KREMEN1: variants seen among roughly 807,000 people sequenced by gnomAD.
KREMEN1 encodes the protein kringle containing transmembrane protein 1.
In KREMEN1, 30 loss-of-function variants were observed where a neutral mutation model predicts 46.5. The observed-to-expected ratio is 0.65, with a 90% confidence interval of 0.48 to 0.88. The LOEUF (loss-of-function observed/expected upper bound fraction) is 0.88, where lower values mean the gene tolerates loss of function less well. Ranked by LOEUF, KREMEN1 falls within the 40% of genes least tolerant of loss-of-function variation. KREMEN1 has a pLI of 0.00. For synonymous variants in KREMEN1, 214 were observed against 230.6 expected (o/e 0.93, Z 0.65); for missense variants, 533 against 596.9 (o/e 0.89, Z 1.11).
intron 9 of KREMEN1, among the ~76,000 whole-genome samples, chr22:29,152,445 C>T (rs2038922145): frequency 6.6e-6 from 1 of 152,260 alleles, no homozygotes; most frequent in South Asian, 2.1e-4. Context: ...CCCAGCCAAA[C>T]AGGCTAAAAT....
intron 1 of KREMEN1, among the ~76,000 whole-genome samples, chr22:29,081,288 C>T (rs2145738363): frequency 6.6e-6 from 1 of 152,204 alleles, no homozygotes; most frequent in South Asian, 2.1e-4. Context: ...AACCTTAATT[C>T]AGTAAGGGGG....
chr22:29,141,078 C>T (rs117904276), intron 8 of KREMEN1, among the ~76,000 whole-genome samples: 13 of 152,270 alleles, frequency 8.5e-5, no homozygotes, highest in East Asian at 3.9e-4. Flanking sequence ...TTTTCCTGAC[C>T]GTCTCACTTG....
intron 3 of KREMEN1, among the ~76,000 whole-genome samples, chr22:29,099,910 G>A (rs967485213): frequency 3.9e-5 from 6 of 152,088 alleles, no homozygotes; most frequent in African/African-American, 7.2e-5. Context: ...ACCCTCAGGA[G>A]TGTATGGTAT....
At chr22:29,165,154 C>T (rs531669767) in intron 9 of KREMEN1, among the ~76,000 whole-genome samples, 9 of 151,742 alleles carry the variant, frequency 5.9e-5, no homozygotes, top group Non-Finnish European at 1.2e-4. Flanking sequence ...GCCTGGGCAA[C>T]GGAGCGAGAC....
At chr22:29,106,327 T>G (rs568354972) in intron 3 of KREMEN1, among the ~76,000 whole-genome samples, 1 of 152,012 alleles carries the variant, frequency 6.6e-6, no homozygotes, top group East Asian at 1.9e-4. Context: ...TTCACGCCAT[T>G]CTCCTGCCTC....
intron 3 of KREMEN1, among the ~76,000 whole-genome samples, chr22:29,120,465 G>T (rs1287633993): frequency 8.7e-5 from 11 of 126,242 alleles, no homozygotes; most frequent in African/African-American, 3.4e-4. Context: ...GGAGGGAGAC[G>T]TGATGATGGA....
chr22:29,131,541 T>TAC, intron 5 of KREMEN1, among the ~76,000 whole-genome samples: 1 of 40,854 alleles, frequency 2.4e-5, no homozygotes, highest in East Asian at 7.2e-4. Flanking sequence ...TATATATATA[T>TAC]ATATATATAT....
rs2038530294 is a variant in KREMEN1, at chr22:29,131,404, A to G, written c.632-5938A>G. Among the ~76,000 whole-genome samples the G allele has an allele frequency of 3.3e-5, 5 of 151,160 alleles. No individual in the cohort carries two copies. In the South Asian group the frequency reaches 1.0e-3, roughly 31 times the overall value. Reference sequence around the variant, plus strand: ...TACTTCAGTGGGATTTGACAAATATATAAGCAATCGAGATTAGGACTTTTT... The same window carrying G: ...TACTTCAGTGGGATTTGACAAATATGTAAGCAATCGAGATTAGGACTTTTT... On this transcript the variant is annotated intron_variant, in intron 5 of 8. Coordinates refer to ENST00000400335, the MANE Select transcript of KREMEN1 (RefSeq NM_001039570.3).
intron 8 of KREMEN1, among the ~76,000 whole-genome samples, chr22:29,140,657 C>T (rs186862604): frequency 6.6e-6 from 1 of 152,310 alleles, no homozygotes; most frequent in African/African-American, 2.4e-5. Flanking sequence ...TAGTCCCTTA[C>T]GGAGATCTTT....
intron 7 of KREMEN1, 115 bp from the exon 8 acceptor site, chr22:29,140,167 C>A: frequency 1.3e-6 from 1 of 782,408 alleles, no homozygotes; most frequent in Non-Finnish European, 2.2e-6. Flanking sequence ...TGCCCTCCCA[C>A]ACCGGCCTGC....
chr22:29,098,548 T>A (rs1306875162), intron 2 of KREMEN1, among the ~76,000 whole-genome samples: 1 of 152,186 alleles, frequency 6.6e-6, no homozygotes, highest in East Asian at 1.9e-4. Flanking sequence ...CATGCTCACA[T>A]TCAAGGTGCC....
At chr22:29,114,399 T>A (rs555567004) in intron 3 of KREMEN1, among the ~76,000 whole-genome samples, 1 of 146,088 alleles carries the variant, frequency 6.8e-6, no homozygotes, top group South Asian at 2.1e-4. Context: ...GGCAGGAGAA[T>A]CACTTGAACC....
At chr22:29,111,430 G>T (rs1055734164) in intron 3 of KREMEN1, among the ~76,000 whole-genome samples, 6 of 151,836 alleles carry the variant, frequency 4.0e-5, no homozygotes, top group African/African-American at 1.5e-4. Context: ...GGCTAACACA[G>T]TGAAACCCCG....
chr22:29,127,606 T>G (rs1023099067), intron 5 of KREMEN1, among the ~76,000 whole-genome samples: 1 of 151,874 alleles, frequency 6.6e-6, no homozygotes, highest in Non-Finnish European at 1.5e-5. Flanking sequence ...GAGGTTGCAG[T>G]GAGCTGAGAT....
chr22:29,141,913 C>A, intron 8 of KREMEN1, 31 bp from the exon 9 acceptor site: 2 of 1,526,478 alleles, frequency 1.3e-6, no homozygotes, highest in Non-Finnish European at 1.8e-6. Context: ...TTGTTCTAAT[C>A]TATTGGAAAA....
At chr22:29,160,638 C>T (rs1046154912) in intron 9 of KREMEN1, among the ~76,000 whole-genome samples, 1 of 149,158 alleles carries the variant, frequency 6.7e-6, no homozygotes, top group African/African-American at 2.5e-5. Context: ...TGGGGGTAAA[C>T]AACAAAATAA....
Position 29,156,325 on chromosome 22 carries a change from G to T in KREMEN1, c.1417-10719G>T, listed in dbSNP as rs192279267. Among the ~76,000 whole-genome samples, 27 of 152,316 alleles carry T rather than the reference G, an allele frequency of 1.8e-4. No individual in the cohort carries two copies. The East Asian group carries it at 4.1e-3, about 23-fold the overall frequency. On this transcript the variant is annotated intron_variant, in intron 9 of 9. Coordinates refer to the KREMEN1 transcript ENST00000327813. Reference sequence around the variant, plus strand: ...TTAACTACAAAATAAACATCTCCAGGCCCCCTGGGCCACTTGCAGTACAGA... The same window carrying T: ...TTAACTACAAAATAAACATCTCCAGTCCCCCTGGGCCACTTGCAGTACAGA...
In KREMEN1 at chr22:29,073,226, C is replaced by G. The variant is rs1279744080; in HGVS notation, c.96C>G (p.Pro32=). The part of the protein sequence containing the change: ...PAPSPGLGPG[P]ECFTANGADY... ...CTAGCCCCGGCCTCGGCCCCGGACC[C>G]GGTGAGTGTGAGCGACCCCCCGCCG... The change falls in exon 1 of 9, where the codon CCC becomes CCG. Residue 32 remains proline, a splice_region_variant and synonymous_variant. Coordinates refer to ENST00000400335, the MANE Select transcript of KREMEN1 (RefSeq NM_001039570.3). The surrounding 1 kb of genome is among the most constrained non-coding windows in gnomAD (Gnocchi z 4.4). The G allele has an allele frequency of 2.6e-6, 3 of 1,164,568 alleles. No homozygotes were observed. The Admixed American group carries it at 1.4e-4, about 54-fold the overall frequency. The allele number at this position is 1,164,568 out of a possible 1,614,324, so 72.1% of individuals were successfully genotyped here.
intron 9 of KREMEN1, among the ~76,000 whole-genome samples, chr22:29,156,771 G>C (rs962636609): frequency 3.3e-5 from 5 of 152,234 alleles, no homozygotes; most frequent in Admixed American, 2.6e-4. Context: ...CAGGCACTCG[G>C]TCATCTTGAC....
Sources: gnomAD v4.1 joint callset for allele counts (sites outside exome capture counted in the v4.1 genomes callset) on GRCh38, gnomAD v4.1.1 for gene constraint, Gnocchi (gnomAD v3.1) non-coding constraint, MANE v1.5 for transcripts, NCBI Gene and HGNC (gene_info 2026-07-23, HGNC 2026-07-21) for gene names.